WWP1: variants seen among roughly 807,000 people sequenced by gnomAD.
WWP1 encodes the protein WW domain containing E3 ubiquitin protein ligase 1.
A neutral mutation model predicts 130.6 loss-of-function variants in WWP1; 49 were observed. The ratio of observed to expected loss-of-function variants is 0.38; its 90% CI spans 0.30 to 0.48. The LOEUF (loss-of-function observed/expected upper bound fraction) is 0.48, where lower values mean the gene tolerates loss of function less well. Among genes scored for constraint, WWP1 ranks in the 20% least tolerant of loss-of-function variants. The pLI is 0.99. For synonymous variants in WWP1, 332 were observed against 367.8 expected, an observed-to-expected ratio of 0.90 and a Z score of 1.11; for missense variants, 809 against 1,100.6, an observed-to-expected ratio of 0.74 and a Z score of 3.75.
intron 5 of WWP1, among the ~76,000 whole-genome samples, chr8:86,392,931 C>G (rs551576359): frequency 1.3e-5 from 2 of 152,226 alleles, no homozygotes; most frequent in East Asian, 3.9e-4. Context: ...CTGAAAAGTT[C>G]TACTAATTTA....
At chr8:86,462,644 T>C (rs1207352681) in intron 24 of WWP1, among the ~76,000 whole-genome samples, 1 of 152,176 alleles carries the variant, frequency 6.6e-6, no homozygotes, top group Non-Finnish European at 1.5e-5. Flanking sequence ...GGAGAGTAGT[T>C]AGAAAATTGT....
chr8:86,383,353 T>G (rs778384873), intron 5 of WWP1, among the ~76,000 whole-genome samples: 50 of 152,228 alleles, frequency 3.3e-4, no homozygotes, highest in Admixed American at 7.2e-4. Context: ...AACCTCCATA[T>G]AAAGATAACT....
chr8:86,384,928 G>T (rs1056769416), intron 5 of WWP1, among the ~76,000 whole-genome samples: 1 of 152,118 alleles, frequency 6.6e-6, no homozygotes. Context: ...GGAGGCTGAG[G>T]TGGGAGGATC....
chr8:86,431,033 TTATATA>T (rs1809934932), intron 12 of WWP1, among the ~76,000 whole-genome samples: 1 of 123,608 alleles, frequency 8.1e-6, no homozygotes, highest in African/African-American at 2.7e-5. Context: ...TATATGTATA[TTATATA>T]TGTATATATT....
In WWP1 at chr8:86,430,776, A is replaced by G. The variant is rs200744944; in HGVS notation, c.1387+25A>G. 241 of 1,389,330 alleles carry G rather than the reference A, an allele frequency of 1.7e-4. 3 individuals carry two copies. In the South Asian group the frequency reaches 1.7e-3, roughly 10 times the overall value. The allele number at this position is 1,389,330 out of a possible 1,614,324, so 86.1% of individuals were successfully genotyped here. A position where few individuals can be genotyped will look rare whatever the true frequency, so the allele number is the denominator to read the frequency against. On this transcript the variant is annotated intron_variant, in intron 12 of 24. Transcript: ENST00000517970. The stretch of plus-strand genomic sequence containing the variant: ...GGTAAGCTGTTTTTGCTAATGATCT[A>G]TAAGGGAGATATATATCTCTCCATA...
chr8:86,417,808 T>C lies in WWP1; in HGVS notation c.1061+5934T>C, dbSNP rs1445730997. Among the ~76,000 whole-genome samples the C allele has an allele frequency of 4.6e-5, 7 of 151,944 alleles. No homozygotes were observed. In the East Asian group the frequency reaches 1.4e-3, roughly 29 times the overall value. The stretch of plus-strand genomic sequence containing the variant: ...TTCTTAAGCTCACCACTGAGAATGG[T>C]GTCTATATATATTATTCCAGTAGCA... On this transcript the variant is annotated intron_variant, in intron 9 of 24. Transcript: ENST00000517970.
At chr8:86,463,832 G>A (rs1321957351) in intron 24 of WWP1, among the ~76,000 whole-genome samples, 7 of 151,976 alleles carry the variant, frequency 4.6e-5, no homozygotes, top group African/African-American at 1.7e-4. Context: ...AGGCCGAGGT[G>A]GGAGGATCGC....
intron 3 of WWP1, among the ~76,000 whole-genome samples, chr8:86,378,246 T>G (rs1483739062): frequency 6.6e-6 from 1 of 152,170 alleles, no homozygotes; most frequent in East Asian, 1.9e-4. Flanking sequence ...GTTGGTGTTT[T>G]TATTTTAAAA....
At chr8:86,401,601 G>A (rs1807984342) in intron 7 of WWP1, among the ~76,000 whole-genome samples, 1 of 150,730 alleles carries the variant, frequency 6.6e-6, no homozygotes, top group African/African-American at 2.4e-5. Context: ...TTATTTTTAT[G>A]ATTCATATAA....
At chr8:86,414,926 C>T (rs1808807062) in intron 9 of WWP1, among the ~76,000 whole-genome samples, 1 of 115,440 alleles carries the variant, frequency 8.7e-6, no homozygotes, top group South Asian at 3.1e-4. Context: ...GATTAGGCAA[C>T]TGGGTCATGG....
At chr8:86,450,083 T>C (rs1021784725) in intron 20 of WWP1, among the ~76,000 whole-genome samples, 1 of 152,224 alleles carries the variant, frequency 6.6e-6, no homozygotes, top group African/African-American at 2.4e-5. Flanking sequence ...TAATAGATAC[T>C]GCTATGTGGC....
intron 1 of WWP1, among the ~76,000 whole-genome samples, chr8:86,348,830 C>G (rs1260730703): frequency 6.6e-6 from 1 of 152,074 alleles, no homozygotes; most frequent in Non-Finnish European, 1.5e-5. Context: ...AGCAAACAGC[C>G]CTAAACCAAG....
intron 16 of WWP1, among the ~76,000 whole-genome samples, chr8:86,437,471 T>C (rs1810353184): frequency 6.6e-6 from 1 of 152,186 alleles, no homozygotes; most frequent in Non-Finnish European, 1.5e-5. Flanking sequence ...TGTTGGAAGA[T>C]TTTGGTACAG....
Position 86,461,325 on chromosome 8 carries a change from AT to A in WWP1, c.2596+6del, listed in dbSNP as rs764893834. ...GAGGATTTGCTGAGCTCATGGGTAAATGTAATTTCACTGTAATTTCTCTGTA... is the reference window on the plus strand; with the variant it reads ...GAGGATTTGCTGAGCTCATGGGTAAAGTAATTTCACTGTAATTTCTCTGTA... On this transcript the variant is annotated splice_donor_region_variant and intron_variant, in intron 23 of 24. Transcript: ENST00000517970. 1.1e-5 allele frequency: 17 copies of A among 1,611,594 alleles called. No individual in the cohort carries two copies. Among genetic ancestry groups the A allele is most frequent in the Non-Finnish European group, 1.4e-5 (17 of 1,177,774 alleles).
chr8:86,438,601 C>T lies in WWP1; in HGVS notation c.1766C>T (p.Pro589Leu). Reference sequence around the variant, plus strand: ...TTTAATTAGATTATGGCATTAAAACCCTATGACTTGAGGAGGCGCTTATAT... The same window carrying T: ...TTTAATTAGATTATGGCATTAAAACTCTATGACTTGAGGAGGCGCTTATAT... ...DSFQQIMALK[P>L]YDLRRRLYVI... The change falls in exon 17 of 25, where the codon CCC becomes CTC. Residue 589 changes from proline to leucine, a missense_variant. Around this residue, in one of 3 missense-constraint regions of WWP1, gnomAD observed 450 missense variants for 674.2 expected, o/e 0.67. Coordinates refer to ENST00000517970, the MANE Select transcript of WWP1 (RefSeq NM_007013.4). 6.2e-7 allele frequency: 1 copy of T among 1,605,392 alleles called. No homozygotes were observed. The highest frequency in any genetic ancestry group is 8.5e-7 in the Non-Finnish European group (1 of 1,177,458).
intron 5 of WWP1, among the ~76,000 whole-genome samples, chr8:86,395,109 G>A (rs1003329185): frequency 5.9e-5 from 9 of 152,160 alleles, no homozygotes; most frequent in East Asian, 5.8e-4. Flanking sequence ...ACTCTTGGGC[G>A]TACCATCAAA....
intron 9 of WWP1, among the ~76,000 whole-genome samples, chr8:86,424,814 ACTGT>A (rs1809511389): frequency 2.2e-5 from 1 of 46,258 alleles, no homozygotes; most frequent in Non-Finnish European, 4.1e-5. Context: ...GGAGAGGGAG[ACTGT>A]GGGGAGAGGG....
intron 3 of WWP1, among the ~76,000 whole-genome samples, chr8:86,375,075 G>T (rs990075627): frequency 6.6e-6 from 1 of 151,810 alleles, no homozygotes; most frequent in African/African-American, 2.4e-5. Context: ...TACTACACCA[G>T]TTCAAAATAA....
chr8:86,455,971 T>A (rs867151875), intron 21 of WWP1, among the ~76,000 whole-genome samples: 1 of 151,974 alleles, frequency 6.6e-6, no homozygotes, highest in Non-Finnish European at 1.5e-5. Context: ...ACATTGTCAA[T>A]TGATTTTCAA....
Sources: gnomAD v4.1 joint callset for allele counts (sites outside exome capture counted in the v4.1 genomes callset) on GRCh38, gnomAD v4.1.1 for gene constraint, gnomAD v4.1.1 regional missense constraint, MANE v1.5 for transcripts, NCBI Gene and HGNC (gene_info 2026-07-23, HGNC 2026-07-21) for gene names.